SAMMSON: variants seen among roughly 807,000 people sequenced by gnomAD.
SAMMSON encodes survival associated mitochondrial melanoma specific oncogenic non-coding RNA.
intron 2 of SAMMSON, among the ~76,000 whole-genome samples, chr3:70,403,368 C>T (rs564034031): frequency 6.6e-5 from 10 of 152,184 alleles, no homozygotes; most frequent in East Asian, 1.9e-4. Context: ...AATGGATTAA[C>T]GTGAAAAGAG....
intron 4 of SAMMSON, among the ~76,000 whole-genome samples, chr3:70,238,975 C>A (rs4425219): frequency 0.33 from 49,719 of 152,036 alleles, 10,569 homozygotes; most frequent in Non-Finnish European, 0.47. Flanking sequence ...CTTTCTAACT[C>A]CTAAAATATT....
chr3:70,156,640 G>C (rs1038540508), intron 4 of SAMMSON, among the ~76,000 whole-genome samples: 7 of 152,084 alleles, frequency 4.6e-5, no homozygotes, highest in Admixed American at 1.3e-4. Context: ...GAAATCGTTT[G>C]AAGAATGAAA....
intron 4 of SAMMSON, among the ~76,000 whole-genome samples, chr3:70,117,631 A>G (rs2067416750): frequency 6.6e-6 from 1 of 152,204 alleles, no homozygotes; most frequent in Non-Finnish European, 1.5e-5. Context: ...CATGGGCCTC[A>G]GTATAACCCC....
At position 70,290,099 on chromosome 3, in the gene SAMMSON, G is replaced by C. The variant is rs1162930288; in HGVS notation, n.675-1080G>C. Among the ~76,000 whole-genome samples, 10 of 152,226 alleles carry C rather than the reference G, an allele frequency of 6.6e-5. No homozygotes were observed. In the East Asian group the frequency reaches 1.9e-3, roughly 29 times the overall value. On this transcript the variant is annotated intron_variant and non_coding_transcript_variant, in intron 6 of 9. Transcript: ENST00000642114. The stretch of plus-strand genomic sequence containing the variant: ...TCCATCCAGCTTTGTTCCGTTGCTG[G>C]TGAGGAGCTGCGTTCCTTTGTAGGA...
At chr3:70,235,929 T>C (rs1460620721) in intron 4 of SAMMSON, among the ~76,000 whole-genome samples, 1 of 152,198 alleles carries the variant, frequency 6.6e-6, no homozygotes, top group Admixed American at 6.5e-5. Flanking sequence ...CTATGGGCAG[T>C]CACCACGCCA....
chr3:70,107,128 G>A (rs954824429), intron 4 of SAMMSON, among the ~76,000 whole-genome samples: 2 of 152,136 alleles, frequency 1.3e-5, no homozygotes, highest in African/African-American at 4.8e-5. Flanking sequence ...GAGGGGGACC[G>A]GGTAAAATGG....
At chr3:70,243,406 G>A (rs1243189952) in intron 4 of SAMMSON, among the ~76,000 whole-genome samples, 1 of 152,186 alleles carries the variant, frequency 6.6e-6, no homozygotes, top group African/African-American at 2.4e-5. Flanking sequence ...AGGCCAGTGT[G>A]AAATTCTGTG....
intron 7 of SAMMSON, among the ~76,000 whole-genome samples, chr3:70,348,286 A>G (rs538472372): frequency 1.3e-5 from 2 of 152,286 alleles, no homozygotes; most frequent in African/African-American, 4.8e-5. Flanking sequence ...GGACAGAGGG[A>G]ATAACCAGGG....
At chr3:70,055,164 A>G (rs2067162415) in intron 3 of SAMMSON, among the ~76,000 whole-genome samples, 1 of 152,122 alleles carries the variant, frequency 6.6e-6, no homozygotes, top group South Asian at 2.1e-4. Context: ...TGGGGTGAAG[A>G]AGAGGATATA....
At position 70,048,871 on chromosome 3, in the gene SAMMSON, A is replaced by G. The variant is rs201336596; in HGVS notation, n.418-22605A>G. On this transcript the variant is annotated intron_variant and non_coding_transcript_variant, in intron 3 of 9. Coordinates refer to ENST00000642114, the Ensembl canonical transcript of SAMMSON. ...CCTACATCTACAACAGGAGAGTGAC[A>G]GAGCCAGGATTCCTACTCAGGCAGT... Among the ~76,000 whole-genome samples the G allele has an allele frequency of 5.3e-5, 8 of 152,242 alleles. No individual in the cohort carries two copies. The East Asian group carries it at 1.6e-3, about 30-fold the overall frequency.
At chr3:70,130,318 T>C (rs1443221613) in intron 4 of SAMMSON, among the ~76,000 whole-genome samples, 1 of 152,070 alleles carries the variant, frequency 6.6e-6, no homozygotes, top group Non-Finnish European at 1.5e-5. Context: ...GGACTTTGAG[T>C]TGATGCTGCA....
chr3:70,255,806 T>C (rs935368546), intron 6 of SAMMSON, among the ~76,000 whole-genome samples: 1 of 152,136 alleles, frequency 6.6e-6, no homozygotes, highest in African/African-American at 2.4e-5. Context: ...ACATTAGGAA[T>C]TGGGAAATGA....
chr3:70,307,655 C>T (rs1702415274), intron 7 of SAMMSON, among the ~76,000 whole-genome samples: 1 of 152,124 alleles, frequency 6.6e-6, no homozygotes, highest in Admixed American at 6.5e-5. Context: ...TTAGCCGTCA[C>T]CACCCCCTTC....
intron 4 of SAMMSON, among the ~76,000 whole-genome samples, chr3:70,245,669 C>CTT (rs1214842980): frequency 6.9e-5 from 5 of 72,216 alleles, no homozygotes; most frequent in East Asian, 8.8e-4. Flanking sequence ...TTGCAAACTG[C>CTT]TTTATATATA....
intron 9 of SAMMSON, among the ~76,000 whole-genome samples, chr3:70,384,982 G>A (rs1450901085): frequency 2.0e-5 from 3 of 152,008 alleles, no homozygotes; most frequent in Non-Finnish European, 1.5e-5. Context: ...AATTTTAATA[G>A]CCACATGTGC....
At chr3:70,397,782 T>A (rs1016160491) in intron 2 of SAMMSON, among the ~76,000 whole-genome samples, 2 of 152,140 alleles carry the variant, frequency 1.3e-5, no homozygotes, top group Admixed American at 1.3e-4. Flanking sequence ...ACTCTCAACA[T>A]CAGGAAAAGA....
intron 3 of SAMMSON, among the ~76,000 whole-genome samples, chr3:70,029,429 G>C (rs571571363): frequency 2.6e-5 from 4 of 152,156 alleles, no homozygotes; most frequent in African/African-American, 9.6e-5. Flanking sequence ...CTCCCATTTA[G>C]CCAGAAAGTA....
At chr3:70,337,043 T>G (rs1231587341) in intron 7 of SAMMSON, among the ~76,000 whole-genome samples, 1 of 122,968 alleles carries the variant, frequency 8.1e-6, no homozygotes, top group Non-Finnish European at 1.9e-5. Flanking sequence ...AATATCTAAC[T>G]TAATATTATT....
chr3:70,139,849 G>A (rs564426816), intron 4 of SAMMSON, among the ~76,000 whole-genome samples: 1 of 152,262 alleles, frequency 6.6e-6, no homozygotes, highest in South Asian at 2.1e-4. Flanking sequence ...TTAGATGGCT[G>A]ACTAATCTCC....
Sources: gnomAD v4.1 joint callset for allele counts (sites outside exome capture counted in the v4.1 genomes callset) on GRCh38, gnomAD v4.1.1 for gene constraint, MANE v1.5 for transcripts, NCBI Gene and HGNC (gene_info 2026-07-23, HGNC 2026-07-21) for gene names.